Variants in KIF19 observed in about 807,000 individuals in gnomAD.
KIF19 encodes the protein kinesin family member 19, also known as kinesin-like protein KIF19.
In KIF19, 98 loss-of-function variants were observed where a neutral mutation model predicts 106.6. The ratio of observed to expected loss-of-function variants is 0.92; its 90% confidence interval spans 0.78 to 1.09. The LOEUF (loss-of-function observed/expected upper bound fraction) is 1.09. KIF19 is among the 50% of genes least tolerant of loss of function. The pLI, the probability that KIF19 is intolerant of heterozygous loss-of-function variation, is 0.00. For synonymous variants in KIF19, 516 were observed against 584.2 expected (o/e 0.88, Z 1.68); for missense variants, 1,373 against 1,414.3 (o/e 0.97, Z 0.47).
chr17:74,347,681 A>C, intron 8 of KIF19, 96 bp from the exon 9 acceptor site: 2 of 1,422,510 alleles, frequency 1.4e-6, no homozygotes, highest in Non-Finnish European at 1.9e-6. Context: ...AAAGAGACAG[A>C]GAGATTGCAC....
intron 2 of KIF19, among the ~76,000 whole-genome samples, chr17:74,333,184 T>C (rs1417211065): frequency 1.3e-5 from 2 of 152,084 alleles, no homozygotes; most frequent in African/African-American, 4.8e-5. Context: ...CCCAAAGAGC[T>C]GAGCTGGTGG....
At chr17:74,352,789 C>G in intron 14 of KIF19, 32 bp from the exon 15 acceptor site, 2 of 1,613,520 alleles carry the variant, frequency 1.2e-6, no homozygotes, top group Non-Finnish European at 1.7e-6. Context: ...ACCAAATCTT[C>G]TAACTGTCCA....
intron 5 of KIF19, 125 bp from the exon 6 acceptor site, chr17:74,344,098 G>A (rs543480122): frequency 6.6e-6 from 6 of 910,426 alleles, no homozygotes; most frequent in Non-Finnish European, 9.8e-6. Flanking sequence ...TCTGAGAAGA[G>A]CCTGGGCTCA....
intron 2 of KIF19, 146 bp downstream of exon 2, chr17:74,328,651 T>A: frequency 1.6e-6 from 1 of 628,970 alleles, no homozygotes; most frequent in Non-Finnish European, 2.7e-6. Context: ...GTTGATGACA[T>A]CACCAAGGAA....
chr17:74,353,893 G>A (rs944668283), intron 17 of KIF19, among the ~76,000 whole-genome samples: 4 of 152,056 alleles, frequency 2.6e-5, no homozygotes, highest in African/African-American at 4.8e-5. Flanking sequence ...AGCAAATATC[G>A]ATTCAATGTC....
rs780231091 is a variant in KIF19, at chr17:74,354,879, G to A, written c.2804G>A (p.Arg935Gln). ...PVCRHPAPGI[R>Q]HLGKVTLPLA... ...TGCAGGCACCCAGCCCCTGGTATCC[G>A]GCATCTGGGAAAGGTCACGCTACCT... The change falls in exon 19 of 20, where the codon CGG becomes CAG. Residue 935 changes from arginine to glutamine, a missense_variant. Physicochemically the swap from Arg to Gln is conservative, Grantham distance 43 (BLOSUM62 1). This residue lies in a region of KIF19 where 1,020 missense variants were observed against 1,008.2 expected (regional missense o/e 1.01). Coordinates refer to ENST00000389916, the MANE Select transcript of KIF19 (RefSeq NM_153209.4). 1.6e-5 allele frequency: 25 copies of A among 1,568,648 alleles called. No homozygotes were observed. The highest frequency in any genetic ancestry group is 3.3e-4 in the Middle Eastern group (2 of 6,036).
chr17:74,329,794 C>T lies in KIF19; in HGVS notation c.120+1289C>T, dbSNP rs151037594. 6.0e-4 allele frequency among the ~76,000 whole-genome samples: 92 copies of T among 152,238 alleles called. 1 individual carries two copies. The East Asian group carries it at 0.016, about 27-fold the overall frequency. On this transcript the variant is annotated intron_variant, in intron 2 of 19. Transcript: ENST00000389916. Reference sequence around the variant, plus strand: ...GGGGGCAACAGGAGTGGGCTTGGTGCCCAGGTAGGAGCATCGTGGTGGTAG... The same window carrying T: ...GGGGGCAACAGGAGTGGGCTTGGTGTCCAGGTAGGAGCATCGTGGTGGTAG...
chr17:74,340,149 TACCAGGCCCG>T (rs1459182834), intron 2 of KIF19, among the ~76,000 whole-genome samples: 9 of 152,282 alleles, frequency 5.9e-5, no homozygotes, highest in African/African-American at 1.7e-4. Flanking sequence ...AAGCAGGTTA[TACCAGGCCCG>T]ACCACCAATA....
intron 9 of KIF19, 65 bp downstream of exon 9, chr17:74,347,964 G>C: frequency 1.3e-6 from 2 of 1,523,662 alleles, no homozygotes; most frequent in Non-Finnish European, 1.8e-6. Context: ...CCCCCGGGCT[G>C]ATCCCTGCCA....
At chr17:74,341,834 G>A (rs2144247134) in intron 2 of KIF19, 42 bp from the exon 3 acceptor site, 1 of 1,421,780 alleles carries the variant, frequency 7.0e-7, no homozygotes, top group South Asian at 1.1e-5. Flanking sequence ...CAGGGCCCGG[G>A]GTTCCCAGGT....
chr17:74,332,588 C>A (rs570406942), intron 2 of KIF19, among the ~76,000 whole-genome samples: 1 of 152,300 alleles, frequency 6.6e-6, no homozygotes, highest in Non-Finnish European at 1.5e-5. Context: ...GCTGCCACCC[C>A]CCTCTGCTCC....
At chr17:74,341,732 G>T in intron 2 of KIF19, 144 bp from the exon 3 acceptor site, 1 of 642,072 alleles carries the variant, frequency 1.6e-6, no homozygotes, top group African/African-American at 1.8e-5. Flanking sequence ...ATCCTGAGGC[G>T]ACGAGGGCTA....
chr17:74,337,668 C>T (rs928261001), intron 2 of KIF19, among the ~76,000 whole-genome samples: 5 of 152,234 alleles, frequency 3.3e-5, no homozygotes, highest in African/African-American at 9.6e-5. Flanking sequence ...AGGTGCCTCC[C>T]TGTGCTCTGG....
chr17:74,335,191 C>T (rs559215444), intron 2 of KIF19, among the ~76,000 whole-genome samples: 10 of 152,248 alleles, frequency 6.6e-5, no homozygotes, highest in East Asian at 1.9e-4. Flanking sequence ...GGGAAGGGTG[C>T]GACTGGCATC....
chr17:74,346,557 A>G lies in KIF19; in HGVS notation c.924+33A>G, dbSNP rs1245102460. The G allele has an allele frequency of 3.2e-6, 5 of 1,541,108 alleles. No homozygotes were observed. The East Asian group carries it at 1.2e-4, about 38-fold the overall frequency. ...CCACAGCTGGGCCTGGGCACTGGGC[A>G]CCAAGGGTGAGGCTGCCAGATTAAA... On this transcript the variant is annotated intron_variant, in intron 8 of 19. Coordinates refer to ENST00000389916, the MANE Select transcript of KIF19 (RefSeq NM_153209.4). This position sits in a 1 kb window ranked among gnomAD's most constrained non-coding sequence, Gnocchi z 4.6.
rs1227578001 is a variant in KIF19, at chr17:74,342,732, C to T, written c.319+15C>T. On this transcript the variant is annotated intron_variant, in intron 4 of 19. Coordinates refer to ENST00000389916, the MANE Select transcript of KIF19 (RefSeq NM_153209.4). ...TGGCCCCACAGGTAAGGGGAATGCC[C>T]AGACTGTGGGCGAGGACCGCAATGC... 1 of 1,609,388 alleles carries T rather than the reference C, an allele frequency of 6.2e-7. No homozygotes were observed. Among genetic ancestry groups the T allele is most frequent in the Admixed American group, 1.7e-5 (1 of 59,996 alleles).
At position 74,344,203 on chromosome 17, in the gene KIF19, TC is replaced by T. The variant is rs761688622; in HGVS notation, c.457-15del. On this transcript the variant is annotated intron_variant, in intron 5 of 19. Coordinates refer to ENST00000389916, the MANE Select transcript of KIF19 (RefSeq NM_153209.4). ...CCCTTAGTCTCCCTTCCCCCACCCC[TC>T]CCCCACCTGTCCCGTCAGATCTACA... 1.8e-6 allele frequency: 2 copies of T among 1,096,308 alleles called. No individual in the cohort carries two copies. The highest frequency in any genetic ancestry group is 1.3e-6 in the Non-Finnish European group (1 of 742,346). The allele number at this position is 1,096,308 out of a possible 1,614,324, so 67.9% of individuals were successfully genotyped here.
chr17:74,353,263 CCACCT>C lies in KIF19; in HGVS notation c.2184_2188del (p.Pro729HisfsTer26). The C allele has an allele frequency of 6.3e-7, 1 of 1,581,580 alleles. No homozygotes were observed. The highest frequency in any genetic ancestry group is 8.6e-7 in the Non-Finnish European group (1 of 1,164,518). On this transcript the variant is annotated frameshift_variant, in exon 16 of 20. Transcript: ENST00000389916. LOFTEE classifies it high-confidence loss of function. ...GGCAAAAAGCTCCTCTGTGCCCACC[CCACCT>C]CCCATCCAGCTCGGCAGCCTGGTGA...
chr17:74,350,319 A>C (rs2054661204), intron 10 of KIF19, 82 bp from the exon 11 acceptor site: 5 of 1,340,198 alleles, frequency 3.7e-6, no homozygotes, highest in Non-Finnish European at 5.1e-6. Context: ...GAAGAAAAGG[A>C]GGGGAGGGGC....
Sources: gnomAD v4.1 joint callset for allele counts (sites outside exome capture counted in the v4.1 genomes callset) on GRCh38, gnomAD v4.1.1 for gene constraint, gnomAD v4.1.1 regional missense constraint, Gnocchi (gnomAD v3.1) non-coding constraint, MANE v1.5 for transcripts, NCBI Gene and HGNC (gene_info 2026-07-23, HGNC 2026-07-21) for gene names.